The following CNTNAP2 variants were observed in gnomAD, a reference collection of about 807,000 sequenced individuals.
CNTNAP2 encodes the protein contactin associated protein 2.
In CNTNAP2, 98 loss-of-function variants were observed where a neutral mutation model predicts 155.2. That is an observed-to-expected ratio of 0.63 (90% CI 0.54 to 0.75). The LOEUF (loss-of-function observed/expected upper bound fraction) is 0.75, where lower values mean the gene tolerates loss of function less well. CNTNAP2 is among the 30% of genes least tolerant of loss of function. The pLI, the probability that CNTNAP2 is intolerant of heterozygous loss-of-function variation, is 0.00. For synonymous variants in CNTNAP2, 651 were observed against 631.2 expected, an observed-to-expected ratio of 1.03 and a Z score of -0.47; for missense variants, 1,727 against 1,688.1, an observed-to-expected ratio of 1.02 and a Z score of -0.40.
At chr7:147,055,392 G>A (rs1799541322) in intron 4 of CNTNAP2, among the ~76,000 whole-genome samples, 1 of 152,192 alleles carries the variant, frequency 6.6e-6, no homozygotes, top group African/African-American at 2.4e-5. Flanking sequence ...GCACATGTCT[G>A]ATGAAAGAAG....
chr7:147,104,162 G>A lies in CNTNAP2; in HGVS notation c.551-3985G>A, dbSNP rs1051203068. ...AGAGGAAGCTGGGTGAAACATATGA[G>A]AATTCTATCTTTCCAACTACCTTTT... On this transcript the variant is annotated intron_variant, in intron 4 of 23. Coordinates refer to ENST00000361727, the MANE Select transcript of CNTNAP2 (RefSeq NM_014141.6). Among the ~76,000 whole-genome samples the A allele has an allele frequency of 2.6e-5, 4 of 152,000 alleles. No individual in the cohort carries two copies. In the East Asian group the frequency reaches 7.7e-4, roughly 29 times the overall value.
At position 146,484,575 on chromosome 7, in the gene CNTNAP2, T is replaced by C. The variant is rs146696205; in HGVS notation, c.98-289696T>C. Among the ~76,000 whole-genome samples the C allele has an allele frequency of 1.8e-3, 274 of 151,430 alleles. 1 individual carries two copies. Among genetic ancestry groups the C allele is most frequent in the African/African-American group, 5.9e-3 (243 of 41,262 alleles). On this transcript the variant is annotated intron_variant, in intron 1 of 23. Coordinates refer to ENST00000361727, the MANE Select transcript of CNTNAP2 (RefSeq NM_014141.6). ...TGAATCTTTTTCATAAGGATGAAAA[T>C]AGGAATAGACAAAAAAGACATTATA... is the stretch of plus-strand genomic sequence containing the variant.
intron 13 of CNTNAP2, among the ~76,000 whole-genome samples, chr7:147,755,631 G>A (rs1003252027): frequency 2.0e-5 from 3 of 152,140 alleles, no homozygotes; most frequent in Admixed American, 6.5e-5. Context: ...CAGCCTGGGC[G>A]ACAGAGAGAG....
At chr7:147,549,793 T>C (rs2059344419) in intron 11 of CNTNAP2, among the ~76,000 whole-genome samples, 1 of 152,198 alleles carries the variant, frequency 6.6e-6, no homozygotes, top group East Asian at 1.9e-4. Flanking sequence ...GAGGAGTTAA[T>C]TATCCACACC....
chr7:146,885,926 TC>T (rs1795647321), intron 3 of CNTNAP2, among the ~76,000 whole-genome samples: 1 of 117,204 alleles, frequency 8.5e-6, no homozygotes, highest in African/African-American at 3.5e-5. Context: ...TATATGTAAG[TC>T]GGTGTGTGTG....
intron 12 of CNTNAP2, among the ~76,000 whole-genome samples, chr7:147,624,127 A>G (rs750864564): frequency 1.2e-4 from 18 of 152,166 alleles, no homozygotes; most frequent in Admixed American, 4.6e-4. Context: ...AAAGACTTAA[A>G]GCAAAGACCT....
At chr7:147,736,957 A>G (rs1030948198) in intron 13 of CNTNAP2, among the ~76,000 whole-genome samples, 8 of 152,098 alleles carry the variant, frequency 5.3e-5, no homozygotes, top group African/African-American at 1.4e-4. Flanking sequence ...CTTCTTTGCC[A>G]TGGGTTCGAA....
intron 11 of CNTNAP2, among the ~76,000 whole-genome samples, chr7:147,559,542 G>A (rs1800018497): frequency 1.3e-5 from 2 of 152,186 alleles, no homozygotes; most frequent in African/African-American, 2.4e-5. Flanking sequence ...GGTGAGTGTT[G>A]TAAACAAGAT....
chr7:146,884,802 G>T (rs532209224), intron 3 of CNTNAP2, among the ~76,000 whole-genome samples: 23 of 152,210 alleles, frequency 1.5e-4, no homozygotes, highest in Admixed American at 1.4e-3. Context: ...AAATTACTTT[G>T]TAAATGATAG....
At chr7:147,835,828 C>T (rs1373332936) in intron 13 of CNTNAP2, among the ~76,000 whole-genome samples, 1 of 152,138 alleles carries the variant, frequency 6.6e-6, no homozygotes, top group African/African-American at 2.4e-5. Context: ...AGAAGCAACT[C>T]ATGTGAAGAC....
chr7:146,748,146 T>TTC (rs1448650029), intron 1 of CNTNAP2, among the ~76,000 whole-genome samples: 14 of 140,102 alleles, frequency 1.0e-4, no homozygotes, highest in South Asian at 2.4e-4. Context: ...TTCTTTTCTT[T>TTC]TTTTTTTTTT....
chr7:147,848,157 T>C (rs1431081940), intron 13 of CNTNAP2, among the ~76,000 whole-genome samples: 2 of 139,034 alleles, frequency 1.4e-5, no homozygotes, highest in African/African-American at 5.2e-5. Flanking sequence ...TTTGTTTACC[T>C]AAGCAAGCCT....
At chr7:146,652,467 T>C (rs1013232910) in intron 1 of CNTNAP2, among the ~76,000 whole-genome samples, 2 of 152,132 alleles carry the variant, frequency 1.3e-5, no homozygotes, top group African/African-American at 4.8e-5. Context: ...GAACAAGAGA[T>C]TTTTGACAGG....
At chr7:146,801,322 A>T (rs1802873595) in intron 2 of CNTNAP2, among the ~76,000 whole-genome samples, 1 of 152,132 alleles carries the variant, frequency 6.6e-6, no homozygotes, top group African/African-American at 2.4e-5. Flanking sequence ...CTCTCACTAG[A>T]CGTCTGAGAC....
intron 1 of CNTNAP2, among the ~76,000 whole-genome samples, chr7:146,170,542 C>T (rs2116817947): frequency 6.6e-6 from 1 of 151,998 alleles, no homozygotes; most frequent in African/African-American, 2.4e-5. Context: ...GCCACTGCAC[C>T]TCACCACTAA....
At chr7:147,333,349 A>C (rs1006133339) in intron 9 of CNTNAP2, among the ~76,000 whole-genome samples, 1 of 152,198 alleles carries the variant, frequency 6.6e-6, no homozygotes, top group Non-Finnish European at 1.5e-5. Context: ...ATCCATGGTA[A>C]GGCTAAATGA....
At chr7:146,343,170 A>G (rs1053960841) in intron 1 of CNTNAP2, among the ~76,000 whole-genome samples, 6 of 151,480 alleles carry the variant, frequency 4.0e-5, no homozygotes, top group African/African-American at 9.7e-5. Flanking sequence ...TCTTCTGCTT[A>G]TTGCTGAAAG....
In CNTNAP2 at chr7:147,919,000, T is replaced by G. The variant is rs1204620429; in HGVS notation, c.2255+15279T>G. Among the ~76,000 whole-genome samples the G allele has an allele frequency of 2.0e-5, 3 of 152,148 alleles. No homozygotes were observed. In the East Asian group the frequency reaches 5.8e-4, roughly 29 times the overall value. On this transcript the variant is annotated intron_variant, in intron 14 of 23. Coordinates refer to ENST00000361727, the MANE Select transcript of CNTNAP2 (RefSeq NM_014141.6). ...TCAGTGGGTGCCCAGTCAAAGCACA[T>G]GACTTCTTAAAAGTGAGAAAAGACC... is the stretch of plus-strand genomic sequence containing the variant.
chr7:147,361,611 T>C lies in CNTNAP2; in HGVS notation c.1499-33998T>C, dbSNP rs574979167. Among the ~76,000 whole-genome samples, 130 of 152,284 alleles carry C rather than the reference T, an allele frequency of 8.5e-4. 1 individual carries two copies. The highest frequency in any genetic ancestry group is 7.8e-4 in the Non-Finnish European group (53 of 67,980). ...TTCACAAAAAACAACCTCAAACTTA[T>C]TGAGTAAGATAGTCTTATTGAGTAA... is the stretch of plus-strand genomic sequence containing the variant. On this transcript the variant is annotated intron_variant, in intron 9 of 23. Coordinates refer to ENST00000361727, the MANE Select transcript of CNTNAP2 (RefSeq NM_014141.6).
Sources: gnomAD v4.1 joint callset for allele counts (sites outside exome capture counted in the v4.1 genomes callset) on GRCh38, gnomAD v4.1.1 for gene constraint, MANE v1.5 for transcripts, NCBI Gene and HGNC (gene_info 2026-07-23, HGNC 2026-07-21) for gene names.